The following TLL2 variants were observed in gnomAD, a reference collection of about 807,000 sequenced individuals.
TLL2 encodes the protein tolloid like 2.
Under a neutral mutation model 123.0 loss-of-function variants are expected in TLL2, and 106 were observed. The ratio of observed to expected loss-of-function variants is 0.86; its 90% CI spans 0.74 to 1.01. The LOEUF (loss-of-function observed/expected upper bound fraction) is 1.01, where lower values mean the gene tolerates loss of function less well. Among genes scored for constraint, TLL2 ranks in the 50% least tolerant of loss-of-function variants. The probability of loss-of-function intolerance (pLI) is 0.00; values close to 1 mark genes in which losing one functional copy is unlikely to be tolerated. For synonymous variants in TLL2, 494 were observed against 516.8 expected (o/e 0.96, Z 0.60); for missense variants, 1,332 against 1,336.7 (o/e 1.00, Z 0.06).
At chr10:96,422,446 G>T (rs1238489889) in intron 6 of TLL2, 103 bp downstream of exon 6, 11 of 1,328,276 alleles carry the variant, frequency 8.3e-6, no homozygotes, top group African/African-American at 1.4e-5. Context: ...TCAGCAGTTA[G>T]CATTGCTCAG....
intron 13 of TLL2, among the ~76,000 whole-genome samples, chr10:96,392,821 AAAG>A (rs1230261128): frequency 3.9e-5 from 6 of 152,180 alleles, no homozygotes; most frequent in African/African-American, 1.4e-4. Context: ...TAATTAGGTG[AAAG>A]AAGGACTCTG....
intron 10 of TLL2, among the ~76,000 whole-genome samples, chr10:96,404,343 C>T (rs1846428768): frequency 2.0e-5 from 3 of 152,030 alleles, no homozygotes; most frequent in East Asian, 1.9e-4. Flanking sequence ...AGCTAACTTT[C>T]CATGGGTGAG....
At chr10:96,369,939 G>C (rs528817616) in intron 20 of TLL2, 126 bp downstream of exon 20, 1 of 1,328,966 alleles carries the variant, frequency 7.5e-7, no homozygotes, top group African/African-American at 1.5e-5. Flanking sequence ...TCTGCAGAAC[G>C]TGCCTCCTCG....
At chr10:96,466,869 T>C (rs577197194) in intron 2 of TLL2, among the ~76,000 whole-genome samples, 54 of 152,354 alleles carry the variant, frequency 3.5e-4, no homozygotes, top group Middle Eastern at 3.4e-3. Flanking sequence ...ACCAAAGGAC[T>C]CATTCTTGGA....
chr10:96,451,675 A>G (rs1379142868), intron 2 of TLL2, among the ~76,000 whole-genome samples: 1 of 152,216 alleles, frequency 6.6e-6, no homozygotes, highest in Non-Finnish European at 1.5e-5. Context: ...GGTACTTCAC[A>G]TATGTTCTCT....
rs1846010082 is a variant in TLL2, at chr10:96,365,027, A to T, written c.*3061T>A. The T allele has an allele frequency of 6.6e-6, 1 of 152,278 alleles. No homozygotes were observed. The highest frequency in any genetic ancestry group is 2.4e-5 in the African/African-American group (1 of 41,460). 9.4% of individuals were successfully genotyped at this position (152,278 alleles called of 1,614,324 possible). ...TGAAACTTTACAGCAGGGGTGTCCCATCTTTTGGCTTCCCTGGGCCACATT... is the reference window on the plus strand; with the variant it reads ...TGAAACTTTACAGCAGGGGTGTCCCTTCTTTTGGCTTCCCTGGGCCACATT... On this transcript the variant is annotated 3_prime_UTR_variant, in exon 21 of 21. Transcript: ENST00000357947.
At chr10:96,489,885 T>C (rs1847394360) in intron 1 of TLL2, among the ~76,000 whole-genome samples, 1 of 152,014 alleles carries the variant, frequency 6.6e-6, no homozygotes, top group African/African-American at 2.4e-5. Flanking sequence ...TTACGTGAGG[T>C]CAGGAGTTCG....
intron 2 of TLL2, among the ~76,000 whole-genome samples, chr10:96,450,221 C>T (rs1272595940): frequency 6.6e-6 from 1 of 152,016 alleles, no homozygotes; most frequent in African/African-American, 2.4e-5. Context: ...GTCACGTAGG[C>T]AGTGTTTAAA....
Position 96,384,536 on chromosome 10 carries a change from G to A in TLL2, c.2194+51C>T, listed in dbSNP as rs542670222. The A allele has an allele frequency of 5.1e-5, 75 of 1,482,600 alleles. 1 individual carries two copies. The South Asian group carries it at 8.2e-4, about 16-fold the overall frequency. The allele number at this position is 1,482,600 out of a possible 1,614,324, so 91.8% of individuals were successfully genotyped here. On this transcript the variant is annotated intron_variant, in intron 16 of 20. Coordinates refer to ENST00000357947, the MANE Select transcript of TLL2 (RefSeq NM_012465.4). ...CCAGGGACCCCAGAGCCTGGAGTCT[G>A]CAAAGCCGCCTCACTCGCGCTGCAT...
chr10:96,480,597 C>T, intron 1 of TLL2, 138 bp from the exon 2 acceptor site: 1 of 689,236 alleles, frequency 1.5e-6, no homozygotes, highest in African/African-American at 1.7e-5. Flanking sequence ...TCTCCTTGAG[C>T]CTAAGAGATA....
intron 1 of TLL2, among the ~76,000 whole-genome samples, chr10:96,490,623 T>A (rs1388986340): frequency 6.6e-6 from 1 of 152,182 alleles, no homozygotes; most frequent in Non-Finnish European, 1.5e-5. Flanking sequence ...AAATAAAAAA[T>A]TAAATCAACA....
chr10:96,387,016 C>A lies in TLL2; in HGVS notation c.1789G>T (p.Gly597Cys). ...GCEHRCVNTL[G>C]SYKCACDPGY... ...GGGTCACAGGCACACTTGTAGCTGCCCAGCGTGTTCACACAGCGATGCTCG... is the reference window on the plus strand; with the variant it reads ...GGGTCACAGGCACACTTGTAGCTGCACAGCGTGTTCACACAGCGATGCTCG... The change falls in exon 14 of 21, where the codon GGC becomes TGC. Residue 597 changes from glycine to cysteine, a missense_variant. Gly to Cys is a radical substitution (Grantham distance 159, BLOSUM62 -3). Transcript: ENST00000357947. The A allele has an allele frequency of 6.2e-7, 1 of 1,614,116 alleles. No homozygotes were observed. Among genetic ancestry groups the A allele is most frequent in the Non-Finnish European group, 8.5e-7 (1 of 1,180,042 alleles).
At chr10:96,421,088 T>G in intron 6 of TLL2, 27 bp from the exon 7 acceptor site, 1 of 1,590,124 alleles carries the variant, frequency 6.3e-7, no homozygotes, top group South Asian at 1.1e-5. Flanking sequence ...TGTTAAGCCC[T>G]TTGAAAACCA....
intron 2 of TLL2, among the ~76,000 whole-genome samples, chr10:96,469,929 C>T (rs7922811): frequency 0.77 from 117,476 of 151,970 alleles, 45,603 homozygotes; most frequent in East Asian, 0.91. Flanking sequence ...TAGGAGGGCA[C>T]CATGTGAAGA....
intron 1 of TLL2, among the ~76,000 whole-genome samples, chr10:96,511,749 C>T (rs1847633133): frequency 1.3e-5 from 2 of 152,236 alleles, no homozygotes; most frequent in Admixed American, 1.3e-4. Context: ...ACAATACATT[C>T]CTGAGCAAAT....
At chr10:96,484,144 C>G (rs1166480392) in intron 1 of TLL2, among the ~76,000 whole-genome samples, 1 of 152,080 alleles carries the variant, frequency 6.6e-6, no homozygotes. Context: ...TCGCCTGGCC[C>G]ACCATGATTT....
At chr10:96,443,444 C>A (rs1056962921) in intron 3 of TLL2, among the ~76,000 whole-genome samples, 5 of 152,176 alleles carry the variant, frequency 3.3e-5, no homozygotes, top group African/African-American at 9.7e-5. Context: ...AGGAGGCACA[C>A]TGGGGCACTG....
chr10:96,367,966 G>T lies in TLL2; in HGVS notation c.*122C>A. ...ATATATACCTCTAAGGCTGGATTCT[G>T]AGTTTTTGTTTGAGAAAAATACTGT... On this transcript the variant is annotated 3_prime_UTR_variant, in exon 21 of 21. Coordinates refer to ENST00000357947, the MANE Select transcript of TLL2 (RefSeq NM_012465.4). The T allele has an allele frequency of 8.1e-7, 1 of 1,235,378 alleles. No individual in the cohort carries two copies. The highest frequency in any genetic ancestry group is 1.1e-6 in the Non-Finnish European group (1 of 904,766). The allele number at this position is 1,235,378 out of a possible 1,614,324, so 76.5% of individuals were successfully genotyped here.
At chr10:96,510,004 C>A (rs1308993484) in intron 1 of TLL2, among the ~76,000 whole-genome samples, 3 of 152,178 alleles carry the variant, frequency 2.0e-5, no homozygotes, top group African/African-American at 7.2e-5. Context: ...TTTGTCTACC[C>A]TGCAAGGCAA....
Sources: allele counts gnomAD v4.1 joint callset (sites outside exome capture counted in the v4.1 genomes callset), GRCh38; gene constraint gnomAD v4.1.1; transcripts MANE v1.5; gene names NCBI Gene and HGNC (gene_info 2026-07-23, HGNC 2026-07-21).